The following PIK3R6 variants were observed in gnomAD, a reference collection of about 807,000 sequenced individuals.
PIK3R6 encodes phosphoinositide-3-kinase regulatory subunit 6.
A neutral mutation model predicts 84.9 loss-of-function variants in PIK3R6; 91 were observed. That is an observed-to-expected ratio of 1.07 (90% CI 0.90 to 1.28). The LOEUF is 1.28. Among genes scored for constraint, PIK3R6 ranks in the 50% most tolerant of loss-of-function variants. The pLI, the probability that PIK3R6 is intolerant of heterozygous loss-of-function variation, is 0.00. For missense variants in PIK3R6, 996 were observed against 985.1 expected, an observed-to-expected ratio of 1.01 and a Z score of -0.15; for synonymous variants, 416 against 411.4, an observed-to-expected ratio of 1.01 and a Z score of -0.13.
At chr17:8,822,455 A>T in intron 16 of PIK3R6, 132 bp downstream of exon 16, 2 of 1,014,364 alleles carry the variant, frequency 2.0e-6, no homozygotes, top group Non-Finnish European at 1.5e-6. Context: ...AGGCTGGGGA[A>T]CTCTGCGGGC....
In PIK3R6 at chr17:8,865,760, G is replaced by A. The variant is rs553861488; in HGVS notation, c.-92+1769C>T. On this transcript the variant is annotated intron_variant, in intron 1 of 19. Transcript: ENST00000619866. ...CTACTTCTCAGATTCCCAAGGAGCC[G>A]GGAGGTGAGGGTCCTGCTGCCCTGG... Among the ~76,000 whole-genome samples, 9 of 152,104 alleles carry A rather than the reference G, an allele frequency of 5.9e-5. No individual in the cohort carries two copies. The East Asian group carries it at 1.2e-3, about 20-fold the overall frequency.
rs1263326612 is a variant in PIK3R6 at position 8,823,375 on chromosome 17, T to C, written c.1626+12A>G. The C allele has an allele frequency of 1.7e-5, 26 of 1,564,974 alleles. No individual in the cohort carries two copies. The highest frequency in any genetic ancestry group is 2.7e-5 in the African/African-American group (2 of 73,744). ...TCCTGGGGTCCCTTGGAGCCTCCAG[T>C]GGGATGCTTACCTTGACTGTGTAGA... is the stretch of plus-strand genomic sequence containing the variant. On this transcript the variant is annotated intron_variant, in intron 14 of 19. Transcript: ENST00000619866.
In PIK3R6 at chr17:8,803,180, T is replaced by C; in HGVS notation, c.*93A>G. ...CTCCTGGTCAAGGCCAAAGCTGCCG[T>C]GTGGAGCCGGGCCTTGCTCTGGCTG... On this transcript the variant is annotated 3_prime_UTR_variant, in exon 20 of 20. Coordinates refer to ENST00000619866, the MANE Select transcript of PIK3R6 (RefSeq NM_001010855.4). The surrounding 1 kb of genome is among the most constrained non-coding windows in gnomAD (Gnocchi z 5.0). 1 of 1,518,156 alleles carries C rather than the reference T, an allele frequency of 6.6e-7. No homozygotes were observed. The highest frequency in any genetic ancestry group is 9.0e-7 in the Non-Finnish European group (1 of 1,108,416). 94.0% of individuals were successfully genotyped at this position (1,518,156 alleles called of 1,614,324 possible).
rs374842604 is a variant in PIK3R6 at position 8,835,542 on chromosome 17, A to C, written c.462-86T>G. 1.5e-4 allele frequency: 174 copies of C among 1,131,396 alleles called. 3 individuals carry two copies. In the South Asian group the frequency reaches 3.3e-3, roughly 21 times the overall value. The allele number at this position is 1,131,396 out of a possible 1,614,324, so 70.1% of individuals were successfully genotyped here. ...CGGATGGGCACCCTCAGAGCTGTGC[A>C]GCACCTCCAAGTAATTTAATTCTGC... On this transcript the variant is annotated intron_variant, in intron 7 of 19. Coordinates refer to ENST00000619866, the MANE Select transcript of PIK3R6 (RefSeq NM_001010855.4).
intron 1 of PIK3R6, among the ~76,000 whole-genome samples, chr17:8,855,850 A>G (rs1029868168): frequency 2.0e-5 from 3 of 152,236 alleles, no homozygotes; most frequent in Non-Finnish European, 4.4e-5. Flanking sequence ...AGAGAAATAA[A>G]AACTTATGTT....
rs534294599 is a variant in PIK3R6, at chr17:8,837,890, C to G, written c.190-19G>C. 6.2e-7 allele frequency: 1 copy of G among 1,608,678 alleles called. No homozygotes were observed. Among genetic ancestry groups the G allele is most frequent in the East Asian group, 2.2e-5 (1 of 44,858 alleles). On this transcript the variant is annotated intron_variant, in intron 4 of 19. Transcript: ENST00000619866. The stretch of plus-strand genomic sequence containing the variant: ...TTTCCGCCTGGAAAACAGGAGATCA[C>G]GTGACAGGTATTGGGCTGGGGGAAT...
At chr17:8,829,016 A>C (rs780387691) in intron 10 of PIK3R6, 26 bp from the exon 11 acceptor site, 6 of 1,489,118 alleles carry the variant, frequency 4.0e-6, no homozygotes, top group Non-Finnish European at 5.4e-6. Flanking sequence ...AAGGGCGGTG[A>C]GGACACGTGA....
At chr17:8,836,734 A>T in intron 6 of PIK3R6, 57 bp downstream of exon 6, 2 of 1,609,896 alleles carry the variant, frequency 1.2e-6, no homozygotes, top group Non-Finnish European at 1.7e-6. Flanking sequence ...AAAAGGAAAG[A>T]CCCTGGGCAA....
chr17:8,824,914 T>C lies in PIK3R6; in HGVS notation c.1516-1417A>G, dbSNP rs114495899. On this transcript the variant is annotated intron_variant, in intron 13 of 19. Transcript: ENST00000619866. ...TCATCAGTCAAATGATAAAGCAAAA[T>C]GGAGAGCTCAGTACAGTGACAAGTT... 3.8e-3 allele frequency among the ~76,000 whole-genome samples: 583 copies of C among 152,118 alleles called. 4 individuals are homozygous for C. Among genetic ancestry groups the C allele is most frequent in the African/African-American group, 0.013 (553 of 41,482 alleles).
At chr17:8,853,878 G>A (rs113285318) in intron 1 of PIK3R6, among the ~76,000 whole-genome samples, 2,309 of 151,244 alleles carry the variant, frequency 0.015, 52 homozygotes, top group African/African-American at 0.054. Flanking sequence ...CAGGAGAATC[G>A]TTTGAACCCA....
chr17:8,822,824 G>C (rs1471032185), intron 15 of PIK3R6, among the ~76,000 whole-genome samples, 167 bp from the exon 16 acceptor site: 1 of 151,406 alleles, frequency 6.6e-6, no homozygotes, highest in African/African-American at 2.5e-5. Context: ...CAGTCTTGTG[G>C]GGGTTGGAGG....
intron 17 of PIK3R6, among the ~76,000 whole-genome samples, chr17:8,819,938 T>TATA (rs1189106296): frequency 3.5e-5 from 4 of 115,142 alleles, no homozygotes; most frequent in African/African-American, 1.9e-4. Flanking sequence ...TATATATATA[T>TATA]TTTTATATAT....
chr17:8,828,885 C>G lies in PIK3R6; in HGVS notation c.995G>C (p.Arg332Pro), dbSNP rs754770983. The G allele has an allele frequency of 1.1e-5, 17 of 1,576,474 alleles. No individual in the cohort carries two copies. The East Asian group carries it at 3.4e-4, about 31-fold the overall frequency. The change falls in exon 11 of 20, where the codon CGG becomes CCG. Residue 332 changes from arginine to proline, a missense_variant. Coordinates refer to ENST00000619866, the MANE Select transcript of PIK3R6 (RefSeq NM_001010855.4). ...GCTGTCAGTGGACAGCACAGAAACC[C>G]GGGCCAACTCCCGGTCCGGCCGGAG... ...QGLRPDRELA[R>P]VSVLSTDSGI...
At chr17:8,827,742 GGAGAGAGAGAGAGAGAGAGA>G (rs150830895) in intron 12 of PIK3R6, among the ~76,000 whole-genome samples, 1 of 90,908 alleles carries the variant, frequency 1.1e-5, no homozygotes, top group Non-Finnish European at 2.2e-5. Context: ...GGAGGGAAGG[GGAGAGAGAGAGAGAGAGAGA>G]GGAGAGAGAG....
At chr17:8,829,605 C>T in intron 10 of PIK3R6, 101 bp downstream of exon 10, 1 of 1,219,950 alleles carries the variant, frequency 8.2e-7, no homozygotes, top group South Asian at 1.3e-5. Flanking sequence ...CATGCATACA[C>T]ACACTGACAC....
chr17:8,817,909 T>C (rs555863707), intron 18 of PIK3R6, among the ~76,000 whole-genome samples: 1 of 137,478 alleles, frequency 7.3e-6, no homozygotes, highest in Non-Finnish European at 1.6e-5. Context: ...GGCAGAGTTG[T>C]TTTTTTTTTT....
rs769249174 is a variant in PIK3R6, at chr17:8,867,608, G to A, written c.-171C>T. The A allele has an allele frequency of 1.2e-5, 6 of 512,710 alleles. No individual in the cohort carries two copies. The highest frequency in any genetic ancestry group is 3.2e-4 in the Middle Eastern group (1 of 3,138). 31.8% of individuals were successfully genotyped at this position (512,710 alleles called of 1,614,324 possible). On this transcript the variant is annotated 5_prime_UTR_variant, in exon 1 of 20. Coordinates refer to ENST00000619866, the MANE Select transcript of PIK3R6 (RefSeq NM_001010855.4). ...GTCCTGAGCGAGGTCCCCAGTCCCAGAGAAGCAGATGTCTTGGGGGAGCCT... is the reference window on the plus strand; with the variant it reads ...GTCCTGAGCGAGGTCCCCAGTCCCAAAGAAGCAGATGTCTTGGGGGAGCCT...
chr17:8,816,103 G>T (rs1045657189), intron 18 of PIK3R6, among the ~76,000 whole-genome samples: 2 of 152,152 alleles, frequency 1.3e-5, no homozygotes, highest in African/African-American at 4.8e-5. Flanking sequence ...GCTACTGTGG[G>T]GAGGGGGTCA....
At chr17:8,807,699 G>A (rs1351957138) in intron 18 of PIK3R6, among the ~76,000 whole-genome samples, 17 of 152,190 alleles carry the variant, frequency 1.1e-4, no homozygotes, top group Admixed American at 1.1e-3. Flanking sequence ...ACACATGGTG[G>A]GAAGAGCCTC....
Sources: gnomAD v4.1 joint callset for allele counts (sites outside exome capture counted in the v4.1 genomes callset) on GRCh38, gnomAD v4.1.1 for gene constraint, Gnocchi (gnomAD v3.1) non-coding constraint, MANE v1.5 for transcripts, NCBI Gene and HGNC (gene_info 2026-07-23, HGNC 2026-07-21) for gene names.